Variants in MAP4K5 observed in about 807,000 individuals in gnomAD.
The protein encoded by MAP4K5 is MAPK/ERK kinase kinase kinase 5.
Under a neutral mutation model 135.6 loss-of-function variants are expected in MAP4K5, and 82 were observed. That is an observed-to-expected ratio of 0.60 (90% CI 0.51 to 0.73). The LOEUF (loss-of-function observed/expected upper bound fraction) is 0.73. Among genes scored for constraint, MAP4K5 ranks in the 30% least tolerant of loss-of-function variants. The probability of loss-of-function intolerance (pLI) is 0.00; values close to 1 mark genes in which losing one functional copy is unlikely to be tolerated. For synonymous variants in MAP4K5, 347 were observed against 335.0 expected (o/e 1.04, Z -0.39); for missense variants, 907 against 1,010.9 (o/e 0.90, Z 1.39).
chr14:50,504,430 T>A (rs1225346063), intron 3 of MAP4K5, among the ~76,000 whole-genome samples: 1 of 151,998 alleles, frequency 6.6e-6, no homozygotes, highest in Non-Finnish European at 1.5e-5. Flanking sequence ...CCTAAATCAA[T>A]CAAAGGGAAT....
chr14:50,547,099 A>G (rs2038643623), intron 1 of MAP4K5, among the ~76,000 whole-genome samples: 1 of 152,138 alleles, frequency 6.6e-6, no homozygotes, highest in South Asian at 2.1e-4. Flanking sequence ...TACTTAGGTG[A>G]ACATCTTATA....
rs1237366433 is a variant in MAP4K5 at position 50,482,320 on chromosome 14, C to T, written c.378+41G>A. On this transcript the variant is annotated intron_variant, in intron 6 of 32. Transcript: ENST00000682126. Reference sequence around the variant, plus strand: ...TTCTAACTACATTAAGAAAATATTGCCTAGAATTGCCTTTCTAACTATATT... The same window carrying T: ...TTCTAACTACATTAAGAAAATATTGTCTAGAATTGCCTTTCTAACTATATT... The T allele has an allele frequency of 8.3e-6, 10 of 1,211,002 alleles. No individual in the cohort carries two copies. The African/African-American group carries it at 1.3e-4, about 16-fold the overall frequency. 75.0% of individuals were successfully genotyped at this position (1,211,002 alleles called of 1,614,324 possible).
chr14:50,463,891 C>CAAAAAAAA (rs56877870), intron 12 of MAP4K5, among the ~76,000 whole-genome samples, 161 bp downstream of exon 12: 3 of 70,396 alleles, frequency 4.3e-5, no homozygotes, highest in Admixed American at 1.8e-4. Flanking sequence ...ACCCTGTTTC[C>CAAAAAAAA]AAAAAAAAAA....
At chr14:50,502,538 C>G (rs150438808) in intron 3 of MAP4K5, among the ~76,000 whole-genome samples, 1 of 152,032 alleles carries the variant, frequency 6.6e-6, no homozygotes, top group African/African-American at 2.4e-5. Flanking sequence ...AAGAAAAAAC[C>G]TTTACTATTG....
intron 6 of MAP4K5, among the ~76,000 whole-genome samples, chr14:50,480,551 T>C (rs557956538): frequency 6.6e-6 from 1 of 152,288 alleles, no homozygotes; most frequent in South Asian, 2.1e-4. Flanking sequence ...AGTAAGAACA[T>C]GTGATGTTTG....
At chr14:50,436,879 ATTC>A in intron 26 of MAP4K5, among the ~76,000 whole-genome samples, 1 of 152,106 alleles carries the variant, frequency 6.6e-6, no homozygotes, top group Non-Finnish European at 1.5e-5. Flanking sequence ...TTTAATCTAT[ATTC>A]TGTCCCTGTT....
At chr14:50,507,068 G>T (rs567985411) in intron 2 of MAP4K5, among the ~76,000 whole-genome samples, 9 of 152,140 alleles carry the variant, frequency 5.9e-5, no homozygotes, top group Admixed American at 4.6e-4. Context: ...TGACTTCCTG[G>T]GCATATTGTT....
At chr14:50,460,666 A>G (rs1488642724) in intron 13 of MAP4K5, among the ~76,000 whole-genome samples, 1 of 152,214 alleles carries the variant, frequency 6.6e-6, no homozygotes, top group South Asian at 2.1e-4. Context: ...TTTAACGTTC[A>G]ACTAAATATT....
At position 50,434,544 on chromosome 14, in the gene MAP4K5, A is replaced by C; in HGVS notation, c.2014T>G (p.Leu672Val). 3 of 1,597,272 alleles carry C rather than the reference A, an allele frequency of 1.9e-6. No individual in the cohort carries two copies. Among genetic ancestry groups the C allele is most frequent in the Non-Finnish European group, 2.6e-6 (3 of 1,171,450 alleles). Residue 672 changes from leucine to valine, a missense_variant, in exon 28 of 33, where the codon TTG becomes GTG. Transcript: ENST00000682126. ...KHFDFPLPSP[L>V]NVFEMLVIPE... ...ATCACCAGCATTTCAAAAACATTCAAAGGACTTGGCAAAGGAAAATCAAAG... is the reference window on the plus strand; with the variant it reads ...ATCACCAGCATTTCAAAAACATTCACAGGACTTGGCAAAGGAAAATCAAAG...
At chr14:50,467,926 C>T (rs2036868562) in intron 10 of MAP4K5, among the ~76,000 whole-genome samples, 2 of 152,006 alleles carry the variant, frequency 1.3e-5, no homozygotes, top group South Asian at 2.1e-4. Context: ...TTGCCAATCA[C>T]GTTAGCAAAA....
At chr14:50,511,009 T>C (rs909504022) in intron 2 of MAP4K5, among the ~76,000 whole-genome samples, 6 of 152,184 alleles carry the variant, frequency 3.9e-5, no homozygotes, top group Non-Finnish European at 5.9e-5. Flanking sequence ...ACATAAGTGT[T>C]TAAAGCAGTC....
At chr14:50,508,635 C>A (rs947125445) in intron 2 of MAP4K5, among the ~76,000 whole-genome samples, 3 of 151,812 alleles carry the variant, frequency 2.0e-5, no homozygotes, top group Non-Finnish European at 4.4e-5. Flanking sequence ...TTAATGGGTG[C>A]AGTACACCAA....
At chr14:50,528,163 C>T (rs1472070097) in intron 2 of MAP4K5, among the ~76,000 whole-genome samples, 1 of 152,132 alleles carries the variant, frequency 6.6e-6, no homozygotes, top group Non-Finnish European at 1.5e-5. Context: ...TTTCCCTCTA[C>T]CATTTCCTGC....
chr14:50,533,019 T>G (rs1277407626), upstream of MAP4K5: 3 of 152,616 alleles, frequency 2.0e-5, no homozygotes, highest in South Asian at 4.1e-4. Context: ...GAGTGCCAGG[T>G]TAACTAAGTC....
At chr14:50,544,193 C>T (rs1275412528) in intron 1 of MAP4K5, among the ~76,000 whole-genome samples, 3 of 152,232 alleles carry the variant, frequency 2.0e-5, no homozygotes, top group Non-Finnish European at 4.4e-5. Context: ...GACTTGGATC[C>T]TCTGAGACTA....
intron 32 of MAP4K5, among the ~76,000 whole-genome samples, chr14:50,420,900 A>G (rs2035714590): frequency 3.9e-5 from 6 of 152,044 alleles, no homozygotes; most frequent in Admixed American, 3.9e-4. Flanking sequence ...AAAAAAAAGA[A>G]GTACTATTCC....
chr14:50,454,868 A>G (rs536797710), intron 14 of MAP4K5, among the ~76,000 whole-genome samples: 122 of 152,134 alleles, frequency 8.0e-4, no homozygotes, highest in Admixed American at 1.4e-3. Flanking sequence ...GCCAAATGTC[A>G]TAATGAAAAA....
At chr14:50,475,707 T>C (rs573028676) in intron 8 of MAP4K5, among the ~76,000 whole-genome samples, 1 of 152,248 alleles carries the variant, frequency 6.6e-6, no homozygotes, top group East Asian at 1.9e-4. Context: ...ACCATCTCCT[T>C]CAAAACAAAC....
At chr14:50,557,796 C>T (rs1255526218) in intron 1 of MAP4K5, among the ~76,000 whole-genome samples, 3 of 152,306 alleles carry the variant, frequency 2.0e-5, no homozygotes, top group East Asian at 1.9e-4. Flanking sequence ...CTAGCACCCA[C>T]GTCTTGGTTT....
Sources: allele counts gnomAD v4.1 joint callset (sites outside exome capture counted in the v4.1 genomes callset), GRCh38; gene constraint gnomAD v4.1.1; transcripts MANE v1.5; gene names NCBI Gene and HGNC (gene_info 2026-07-23, HGNC 2026-07-21).